Variants in FOXO1 observed in about 807,000 individuals in gnomAD.
The protein encoded by FOXO1 is forkhead box protein O1.
FOXO1 carries 6 observed loss-of-function variants against 44.1 expected under a neutral mutation model. The observed-to-expected ratio is 0.14, with a 90% confidence interval of 0.07 to 0.27. The LOEUF (loss-of-function observed/expected upper bound fraction) is 0.27, where lower values mean the gene tolerates loss of function less well. Ranked by LOEUF, FOXO1 falls within the 10% of genes least tolerant of loss-of-function variation. FOXO1 has a pLI of 1.00. For synonymous variants in FOXO1, 380 were observed against 362.7 expected (o/e 1.05, Z -0.54); for missense variants, 737 against 888.8 (o/e 0.83, Z 2.17).
chr13:40,612,601 T>C (rs1035185489), intron 1 of FOXO1, among the ~76,000 whole-genome samples: 1 of 152,230 alleles, frequency 6.6e-6, no homozygotes. Flanking sequence ...ACAACATTTC[T>C]TGTTTGCTTG....
At chr13:40,641,847 A>G (rs1008122489) in intron 1 of FOXO1, among the ~76,000 whole-genome samples, 10 of 152,238 alleles carry the variant, frequency 6.6e-5, no homozygotes, top group Admixed American at 1.3e-4. Flanking sequence ...TTAGCAGGGC[A>G]TGGTGGCGCA....
intron 1 of FOXO1, among the ~76,000 whole-genome samples, chr13:40,579,929 C>A (rs771453578): frequency 1.3e-5 from 2 of 152,186 alleles, no homozygotes; most frequent in Non-Finnish European, 2.9e-5. Flanking sequence ...ACACTATTTG[C>A]AACTAAAATA....
At chr13:40,621,202 G>A (rs1233940350) in intron 1 of FOXO1, 7 of 642,016 alleles carry the variant, frequency 1.1e-5, no homozygotes, top group Admixed American at 4.2e-5. Context: ...GTTTGTATCA[G>A]TGACCACATA....
chr13:40,620,437 T>C, intron 1 of FOXO1: 1 of 653,660 alleles, frequency 1.5e-6, no homozygotes, highest in South Asian at 1.6e-5. Context: ...AACGAGCTTG[T>C]TGAGCCATCA....
At chr13:40,640,320 A>G (rs929136300) in intron 1 of FOXO1, among the ~76,000 whole-genome samples, 3 of 152,254 alleles carry the variant, frequency 2.0e-5, no homozygotes, top group Admixed American at 6.5e-5. Context: ...TTGGAAGCAG[A>G]GTCCTAAGCC....
At chr13:40,648,670 A>T (rs1214910634) in intron 1 of FOXO1, among the ~76,000 whole-genome samples, 6 of 152,178 alleles carry the variant, frequency 3.9e-5, no homozygotes. Context: ...AAAACAAGGG[A>T]ATTCCACCTA....
chr13:40,644,559 C>A lies in FOXO1; in HGVS notation c.630+21024G>T, dbSNP rs78368075. On this transcript the variant is annotated intron_variant, in intron 1 of 2. Transcript: ENST00000379561. The stretch of plus-strand genomic sequence containing the variant: ...CTGCACGTGAGTCCGGTGGGATATA[C>A]CAGGTCACACATACAATGATGGCTC... Among the ~76,000 whole-genome samples the A allele has an allele frequency of 4.6e-3, 695 of 152,240 alleles. 2 individuals are homozygous for A. The highest frequency in any genetic ancestry group is 7.5e-3 in the Non-Finnish European group (513 of 68,018).
At chr13:40,643,305 G>C (rs1315608984) in intron 1 of FOXO1, among the ~76,000 whole-genome samples, 1 of 147,862 alleles carries the variant, frequency 6.8e-6, no homozygotes, top group Non-Finnish European at 1.5e-5. Context: ...TCGCTCCACT[G>C]TACTCCAGCC....
At chr13:40,581,531 A>G (rs1057142402) in intron 1 of FOXO1, among the ~76,000 whole-genome samples, 2 of 152,226 alleles carry the variant, frequency 1.3e-5, no homozygotes, top group Non-Finnish European at 2.9e-5. Context: ...AACTTTCCAT[A>G]CAACATGCAA....
At chr13:40,648,176 G>A (rs1195221129) in intron 1 of FOXO1, among the ~76,000 whole-genome samples, 1 of 152,158 alleles carries the variant, frequency 6.6e-6, no homozygotes, top group African/African-American at 2.4e-5. Context: ...CCCCTACAGG[G>A]ATAATTATTG....
chr13:40,656,824 C>T (rs1877873542), intron 1 of FOXO1, among the ~76,000 whole-genome samples: 1 of 152,010 alleles, frequency 6.6e-6, no homozygotes, highest in Admixed American at 6.6e-5. Flanking sequence ...ATGCCTATCA[C>T]TCTGAGAAAT....
intron 1 of FOXO1, among the ~76,000 whole-genome samples, chr13:40,653,797 C>G (rs1877763432): frequency 6.6e-6 from 1 of 152,072 alleles, no homozygotes; most frequent in African/African-American, 2.4e-5. Flanking sequence ...AAGTACTCAC[C>G]AGTACTTACA....
At chr13:40,606,607 C>T (rs1269152422) in intron 1 of FOXO1, among the ~76,000 whole-genome samples, 1 of 152,226 alleles carries the variant, frequency 6.6e-6, no homozygotes, top group African/African-American at 2.4e-5. Context: ...GCCACCGCGC[C>T]CGGCCATGAA....
At position 40,559,611 on chromosome 13, in the gene FOXO1, G is replaced by A. The variant is rs2137821151; in HGVS notation, c.1880C>T (p.Thr627Ile). ...IIRNDLMDGD[T>I]LDFNFDNVLP... ...CACATTGTCAAAGTTAAAATCCAAT[G>A]TATCTCCATCCATGAGGTCATTCCG... The change falls in exon 2 of 3, where the codon ACA (threonine) becomes ATA (isoleucine). Residue 627 changes from threonine (T) to isoleucine (I), a missense_variant. Coordinates refer to ENST00000379561, the MANE Select transcript of FOXO1 (RefSeq NM_002015.4). 6.2e-7 allele frequency: 1 copy of A among 1,614,208 alleles called. No individual in the cohort carries two copies. The highest frequency in any genetic ancestry group is 8.5e-7 in the Non-Finnish European group (1 of 1,180,006).
Position 40,619,864 on chromosome 13 carries a change from C to T in FOXO1, c.630+45719G>A, listed in dbSNP as rs143506414. On this transcript the variant is annotated intron_variant, in intron 1 of 2. Transcript: ENST00000379561. ...CTAACTCAGGCAAAGGGAGGCACAA[C>T]AGTTTAAAGCAGCACATGTTTGGGA... The T allele has an allele frequency of 2.4e-4, 178 of 736,284 alleles. 1 individual carries two copies. The African/African-American group carries it at 2.5e-3, about 10-fold the overall frequency. The allele number at this position is 736,284 out of a possible 1,614,324, so 45.6% of individuals were successfully genotyped here.
chr13:40,560,012 G>A lies in FOXO1; in HGVS notation c.1479C>T (p.Gly493=), dbSNP rs1170214085. The A allele has an allele frequency of 1.9e-6, 3 of 1,614,130 alleles. No homozygotes were observed. In the Admixed American group the frequency reaches 5.0e-5, roughly 27 times the overall value. ...AATTAGGGCCCATCATGACGTTCTG[G>A]CCCAGAACCCGGCTGTTGGGCTGGG... is the stretch of plus-strand genomic sequence containing the variant. ...GVAQPNSRVL[G]QNVMMGPNSV... The change falls in exon 2 of 3, where the codon GGC becomes GGT. Residue 493 remains glycine, a synonymous_variant. Coordinates refer to ENST00000379561, the MANE Select transcript of FOXO1 (RefSeq NM_002015.4). This position sits in a 1 kb window ranked among gnomAD's most constrained non-coding sequence, Gnocchi z 5.1.
rs190739840 is a variant in FOXO1 at position 40,645,693 on chromosome 13, A to T, written c.630+19890T>A. ...AATGAGGGGGCCGAAAATGAGAAGGAAAGCAAAGAAGAGATGAAAAACTAG... is the reference window on the plus strand; with the variant it reads ...AATGAGGGGGCCGAAAATGAGAAGGTAAGCAAAGAAGAGATGAAAAACTAG... On this transcript the variant is annotated intron_variant, in intron 1 of 2. Transcript: ENST00000379561. 3.8e-3 allele frequency among the ~76,000 whole-genome samples: 579 copies of T among 152,368 alleles called. 2 individuals are homozygous for T. Among genetic ancestry groups the T allele is most frequent in the Non-Finnish European group, 4.0e-3 (275 of 68,046 alleles).
At chr13:40,564,949 C>T (rs1341779654) in intron 1 of FOXO1, among the ~76,000 whole-genome samples, 3 of 150,592 alleles carry the variant, frequency 2.0e-5, no homozygotes, top group African/African-American at 4.9e-5. Flanking sequence ...ATGGGGGAGT[C>T]GGGGAACCCC....
At position 40,619,068 on chromosome 13, in the gene FOXO1, G is replaced by C. The variant is rs150196757; in HGVS notation, c.630+46515C>G. ...TTGGGAGGCTGAGTGGGTGGATCACGAGGTCTGGAGTTCAAGACCAGCCTG... is the reference window on the plus strand; with the variant it reads ...TTGGGAGGCTGAGTGGGTGGATCACCAGGTCTGGAGTTCAAGACCAGCCTG... On this transcript the variant is annotated intron_variant, in intron 1 of 2. Coordinates refer to ENST00000379561, the MANE Select transcript of FOXO1 (RefSeq NM_002015.4). 3,210 of 446,280 alleles carry C rather than the reference G, an allele frequency of 7.2e-3. 94 individuals carry two copies. Among genetic ancestry groups the C allele is most frequent in the African/African-American group, 0.058 (2,895 of 49,494 alleles). The allele number at this position is 446,280 out of a possible 1,614,324, so 27.6% of individuals were successfully genotyped here. A position where few individuals can be genotyped will look rare whatever the true frequency, so the allele number is the denominator to read the frequency against.
Sources: gnomAD v4.1 joint callset for allele counts (sites outside exome capture counted in the v4.1 genomes callset) on GRCh38, gnomAD v4.1.1 for gene constraint, Gnocchi (gnomAD v3.1) non-coding constraint, MANE v1.5 for transcripts, NCBI Gene and HGNC (gene_info 2026-07-23, HGNC 2026-07-21) for gene names.